Variants in OTUD7A observed in about 807,000 individuals in gnomAD.
OTUD7A encodes the protein OTU deubiquitinase 7A, also known as OTU domain-containing protein 7A.
Under a neutral mutation model 65.7 loss-of-function variants are expected in OTUD7A, and 12 were observed. That is an observed-to-expected ratio of 0.18 (90% CI 0.12 to 0.30). The LOEUF (loss-of-function observed/expected upper bound fraction) is 0.30. Among genes scored for constraint, OTUD7A ranks in the 10% least tolerant of loss-of-function variants. OTUD7A has a pLI of 1.00. For missense variants in OTUD7A, 1,148 were observed against 1,304.8 expected, an observed-to-expected ratio of 0.88 and a Z score of 1.85; for synonymous variants, 641 against 586.3, an observed-to-expected ratio of 1.09 and a Z score of -1.35.
rs115960682 is a variant in OTUD7A at position 31,777,331 on chromosome 15, G to A, written c.-100+93176C>T. 1.6e-3 allele frequency among the ~76,000 whole-genome samples: 246 copies of A among 152,308 alleles called. 1 individual carries two copies. The highest frequency in any genetic ancestry group is 5.7e-3 in the African/African-American group (237 of 41,572). On this transcript the variant is annotated intron_variant, in intron 1 of 12. Transcript: ENST00000307050. ...CATCACCTTGGGGGTTAGGTTGAGA[G>A]GGACATAAATATTCAGTCTATAGTA...
chr15:31,495,464 G>C (rs1257654068), intron 10 of OTUD7A, among the ~76,000 whole-genome samples: 1 of 152,158 alleles, frequency 6.6e-6, no homozygotes, highest in East Asian at 1.9e-4. Flanking sequence ...TGACAGACTT[G>C]AGAAACAAAG....
At chr15:31,564,857 C>A (rs1888815643) in intron 4 of OTUD7A, among the ~76,000 whole-genome samples, 1 of 151,940 alleles carries the variant, frequency 6.6e-6, no homozygotes, top group Admixed American at 6.6e-5. Context: ...ATATTTCTGG[C>A]AAATATGAAC....
At chr15:31,815,779 G>T (rs957462744) in intron 1 of OTUD7A, among the ~76,000 whole-genome samples, 1 of 152,230 alleles carries the variant, frequency 6.6e-6, no homozygotes, top group African/African-American at 2.4e-5. Context: ...AAGTTGTGTC[G>T]TGACACATAA....
chr15:31,484,773 C>A lies in OTUD7A; in HGVS notation c.1372-49G>T, dbSNP rs781184682. 1 of 1,568,994 alleles carries A rather than the reference C, an allele frequency of 6.4e-7. No homozygotes were observed. Among genetic ancestry groups the A allele is most frequent in the South Asian group, 1.1e-5 (1 of 87,114 alleles). On this transcript the variant is annotated intron_variant, in intron 12 of 12. Transcript: ENST00000307050. This position sits in a 1 kb window ranked among gnomAD's most constrained non-coding sequence, Gnocchi z 4.5. ...TCGAAGGTGGTTAGAGAAGAGCTGT[C>A]CACGCGCCAGCGAGGAAGACACACC...
At chr15:31,619,654 A>C (rs1005214809) in intron 3 of OTUD7A, among the ~76,000 whole-genome samples, 4 of 152,016 alleles carry the variant, frequency 2.6e-5, no homozygotes, top group African/African-American at 7.3e-5. Context: ...TTATCAGCTT[A>C]AGGAGATTTT....
intron 1 of OTUD7A, among the ~76,000 whole-genome samples, chr15:31,844,754 C>T (rs1405869242): frequency 1.3e-5 from 2 of 152,224 alleles, no homozygotes; most frequent in African/African-American, 2.4e-5. Context: ...ACCAACACTC[C>T]CAACCTTCCG....
chr15:31,521,951 G>T (rs1269944308), intron 8 of OTUD7A, among the ~76,000 whole-genome samples: 1 of 152,160 alleles, frequency 6.6e-6, no homozygotes. Context: ...TCTTTTAAAA[G>T]TTTAAAGAAC....
intron 1 of OTUD7A, among the ~76,000 whole-genome samples, chr15:31,792,311 AAACC>A (rs1895839188): frequency 1.3e-5 from 2 of 152,124 alleles, no homozygotes; most frequent in African/African-American, 4.8e-5. Flanking sequence ...TTTAACACAG[AAACC>A]GGATGCCATC....
At chr15:31,721,860 C>T (rs934832646) in intron 1 of OTUD7A, among the ~76,000 whole-genome samples, 8 of 152,230 alleles carry the variant, frequency 5.3e-5, no homozygotes, top group East Asian at 1.9e-4. Flanking sequence ...CAGCAGCCTC[C>T]GCATCGGACC....
chr15:31,843,907 A>G (rs4779553), intron 1 of OTUD7A, among the ~76,000 whole-genome samples: 140,936 of 152,156 alleles, frequency 0.93, 66,239 homozygotes, highest in East Asian at 1. Flanking sequence ...TGAGGTTCAC[A>G]GTTTACACGG....
intron 3 of OTUD7A, among the ~76,000 whole-genome samples, chr15:31,614,655 CA>C (rs2141227499): frequency 6.6e-6 from 1 of 152,154 alleles, no homozygotes; most frequent in East Asian, 1.9e-4. Context: ...AGACACTTAT[CA>C]CCAGGGGACC....
intron 10 of OTUD7A, among the ~76,000 whole-genome samples, chr15:31,489,151 G>T (rs937873319): frequency 6.6e-6 from 1 of 152,260 alleles, no homozygotes; most frequent in East Asian, 1.9e-4. Flanking sequence ...GGTTAGCCTC[G>T]CTTCTTACTC....
chr15:31,648,555 GTT>G lies in OTUD7A; in HGVS notation c.151+6539_151+6540del, dbSNP rs563039814. Among the ~76,000 whole-genome samples the G allele has an allele frequency of 7.4e-4, 112 of 152,232 alleles. 1 individual carries two copies. The Middle Eastern group carries it at 0.041, about 55-fold the overall frequency. ...GTCATGCCCAGAGACCAGAGCTAAC[GTT>G]CTTTTCTCCTGATCACAAATTTGCA... is the stretch of plus-strand genomic sequence containing the variant. On this transcript the variant is annotated intron_variant, in intron 3 of 12. Coordinates refer to ENST00000307050, the MANE Select transcript of OTUD7A (RefSeq NM_001382637.1).
At chr15:31,849,858 C>T (rs1194105313) in intron 1 of OTUD7A, among the ~76,000 whole-genome samples, 1 of 152,236 alleles carries the variant, frequency 6.6e-6, no homozygotes, top group East Asian at 1.9e-4. Flanking sequence ...GAGATACCAT[C>T]TCACACCAGT....
At chr15:31,610,607 A>ATTTTT (rs1395271113) in intron 3 of OTUD7A, among the ~76,000 whole-genome samples, 14 of 39,558 alleles carry the variant, frequency 3.5e-4, no homozygotes, top group Non-Finnish European at 6.0e-4. Flanking sequence ...ATATATATAT[A>ATTTTT]TATATATATA....
rs148547163 is a variant in OTUD7A at position 31,809,355 on chromosome 15, G to A, written c.-100+61152C>T. ...ATCCCTTTCTTCTGCCTTCCCATCA[G>A]AATCTGGCTTGAGCGGTAGTGGTGG... On this transcript the variant is annotated intron_variant, in intron 1 of 12. Coordinates refer to ENST00000307050, the MANE Select transcript of OTUD7A (RefSeq NM_001382637.1). Among the ~76,000 whole-genome samples, 600 of 152,312 alleles carry A rather than the reference G, an allele frequency of 3.9e-3. 2 individuals carry two copies. Among genetic ancestry groups the A allele is most frequent in the Admixed American group, 0.013 (199 of 15,306 alleles).
intron 1 of OTUD7A, among the ~76,000 whole-genome samples, chr15:31,867,005 T>G (rs1287342544): frequency 6.6e-6 from 1 of 152,144 alleles, no homozygotes; most frequent in Non-Finnish European, 1.5e-5. Flanking sequence ...GGGGCCTCCA[T>G]GAGGAACCTC....
At chr15:31,687,589 A>C (rs909525682) in intron 1 of OTUD7A, among the ~76,000 whole-genome samples, 7 of 152,188 alleles carry the variant, frequency 4.6e-5, no homozygotes, top group Non-Finnish European at 8.8e-5. Flanking sequence ...TGTGAGGAGA[A>C]ATGTTTGCTC....
chr15:31,643,537 T>C (rs1313818714), intron 3 of OTUD7A, among the ~76,000 whole-genome samples: 1 of 152,214 alleles, frequency 6.6e-6, no homozygotes, highest in Non-Finnish European at 1.5e-5. Context: ...TGTACCTTAT[T>C]CTATTCTATA....
Sources: allele counts gnomAD v4.1 joint callset (sites outside exome capture counted in the v4.1 genomes callset), GRCh38; gene constraint gnomAD v4.1.1; non-coding constraint Gnocchi (gnomAD v3.1); transcripts MANE v1.5; gene names NCBI Gene and HGNC (gene_info 2026-07-23, HGNC 2026-07-21).